Variants in SHROOM3 observed in about 807,000 individuals in gnomAD.
The protein encoded by SHROOM3 is shroom family member 3.
SHROOM3 carries 47 observed loss-of-function variants against 138.6 expected under a neutral mutation model. The ratio of observed to expected loss-of-function variants is 0.34; its 90% CI spans 0.27 to 0.43. The LOEUF is 0.43. Among genes scored for constraint, SHROOM3 ranks in the 20% least tolerant of loss-of-function variants. SHROOM3 has a pLI of 1.00. For missense variants in SHROOM3, 2,491 were observed against 2,596.5 expected (o/e 0.96, Z 0.88); for synonymous variants, 1,062 against 1,063.3 (o/e 1.00, Z 0.02).
At chr4:76,450,293 G>T (rs942663613) in intron 1 of SHROOM3, among the ~76,000 whole-genome samples, 3 of 152,194 alleles carry the variant, frequency 2.0e-5, no homozygotes, top group Non-Finnish European at 1.5e-5. Context: ...AAGTGGGAAT[G>T]TAAAATGGTG....
At position 76,765,074 on chromosome 4, in the gene SHROOM3, C is replaced by G. The variant is rs76564035; in HGVS notation, c.5349+5379C>G. 2.1e-3 allele frequency among the ~76,000 whole-genome samples: 320 copies of G among 150,438 alleles called. 3 individuals are homozygous for G. Among genetic ancestry groups the G allele is most frequent in the African/African-American group, 7.4e-3 (303 of 41,140 alleles). Reference sequence around the variant, plus strand: ...TGGATAATTTCTGTTGGTCTGTTTTCAAGTTCACTGACTTTCCTATCTCCA... The same window carrying G: ...TGGATAATTTCTGTTGGTCTGTTTTGAAGTTCACTGACTTTCCTATCTCCA... On this transcript the variant is annotated intron_variant, in intron 9 of 10. Transcript: ENST00000296043.
At chr4:76,528,544 C>CTTTTTTTTTTTTTTTTTTTTTTT (rs146962643) in intron 1 of SHROOM3, among the ~76,000 whole-genome samples, 4 of 103,454 alleles carry the variant, frequency 3.9e-5, no homozygotes, top group South Asian at 3.3e-4. Flanking sequence ...ATCTTTCTTT[C>CTTTTTTTTTTTTTTTTTTTTTTT]TTTCTTTTTT....
chr4:76,755,510 AGAG>A (rs1054004846), intron 7 of SHROOM3, among the ~76,000 whole-genome samples: 2 of 152,174 alleles, frequency 1.3e-5, no homozygotes, highest in African/African-American at 2.4e-5. Flanking sequence ...ATAAGACAAA[AGAG>A]GAGGGCATAT....
chr4:76,754,447 C>T lies in SHROOM3; in HGVS notation c.3964C>T (p.His1322Tyr), dbSNP rs777360241. 8 of 1,614,032 alleles carry T rather than the reference C, an allele frequency of 5.0e-6. No homozygotes were observed. In the South Asian group the frequency reaches 8.8e-5, roughly 18 times the overall value. The change falls in exon 7 of 11, where the codon CAT becomes TAT. Residue 1322 changes from histidine (H) to tyrosine (Y), a missense_variant. Around this residue, in one of 4 missense-constraint regions of SHROOM3, gnomAD observed 1,733 missense variants for 1,661.6 expected, o/e 1.04. Coordinates refer to ENST00000296043, the MANE Select transcript of SHROOM3 (RefSeq NM_020859.4). Reference sequence around the variant, plus strand: ...TAGTGAATGTCCTGGAACCCTGGACCATCAGAGGCAAGCCAGTAGGACACC... The same window carrying T: ...TAGTGAATGTCCTGGAACCCTGGACTATCAGAGGCAAGCCAGTAGGACACC... ...VPSECPGTLD[H>Y]QRQASRTPCP... is the part of the protein sequence containing the mutation.
In SHROOM3 at chr4:76,530,593, A is replaced by T. The variant is rs529098391; in HGVS notation, c.169-25016A>T. 2.6e-5 allele frequency among the ~76,000 whole-genome samples: 4 copies of T among 152,268 alleles called. No homozygotes were observed. The South Asian group carries it at 8.3e-4, about 32-fold the overall frequency. ...ATTGCCTTTCCTCTTTTCTGAGCAG[A>T]TATTGGATCTAAGGTTCTAGGTGAA... On this transcript the variant is annotated intron_variant, in intron 1 of 10. Transcript: ENST00000296043.
chr4:76,640,456 T>C lies in SHROOM3; in HGVS notation c.324-69700T>C, dbSNP rs144347615. ...CCACAGCCAGGTGCCAAATCCATTC[T>C]AAATATGGGAGCCTGTGCTTGAGAA... On this transcript the variant is annotated intron_variant, in intron 2 of 10. Coordinates refer to ENST00000296043, the MANE Select transcript of SHROOM3 (RefSeq NM_020859.4). Among the ~76,000 whole-genome samples the C allele has an allele frequency of 2.2e-3, 329 of 152,290 alleles. 2 individuals are homozygous for C. The highest frequency in any genetic ancestry group is 7.4e-3 in the African/African-American group (309 of 41,572).
chr4:76,652,286 A>T (rs369473587), intron 2 of SHROOM3, among the ~76,000 whole-genome samples: 1 of 152,290 alleles, frequency 6.6e-6, no homozygotes. Flanking sequence ...AAGGCAACTG[A>T]GAGAGAAGCT....
intron 1 of SHROOM3, among the ~76,000 whole-genome samples, chr4:76,443,716 G>A (rs748777647): frequency 1.3e-5 from 2 of 152,172 alleles, no homozygotes. Flanking sequence ...AAGGCTACAT[G>A]GGTACGCTGT....
chr4:76,452,675 G>A (rs1037663653), intron 1 of SHROOM3, among the ~76,000 whole-genome samples: 4 of 152,130 alleles, frequency 2.6e-5, no homozygotes, highest in African/African-American at 9.7e-5. Flanking sequence ...TTTAGCTATT[G>A]TGAATAGTGA....
intron 1 of SHROOM3, among the ~76,000 whole-genome samples, chr4:76,466,493 A>G (rs754946549): frequency 1.6e-4 from 24 of 152,222 alleles, no homozygotes; most frequent in Non-Finnish European, 2.8e-4. Flanking sequence ...CCTTGTAGAT[A>G]GACTTCCTCA....
chr4:76,775,762 A>G (rs1021559305), intron 10 of SHROOM3, among the ~76,000 whole-genome samples: 1 of 151,870 alleles, frequency 6.6e-6, no homozygotes, highest in Non-Finnish European at 1.5e-5. Context: ...CACACACCAT[A>G]TATATGTGTA....
chr4:76,628,360 A>G (rs1311754406), intron 2 of SHROOM3, among the ~76,000 whole-genome samples: 1 of 152,236 alleles, frequency 6.6e-6, no homozygotes, highest in Non-Finnish European at 1.5e-5. Flanking sequence ...AGCAAGGTGT[A>G]TCATTATTTG....
chr4:76,454,772 C>A (rs1171957188), intron 1 of SHROOM3, among the ~76,000 whole-genome samples: 1 of 152,150 alleles, frequency 6.6e-6, no homozygotes, highest in African/African-American at 2.4e-5. Context: ...GATATCTTAA[C>A]AATATTTTCT....
At chr4:76,483,007 G>T (rs749346331) in intron 1 of SHROOM3, among the ~76,000 whole-genome samples, 1 of 152,208 alleles carries the variant, frequency 6.6e-6, no homozygotes, top group East Asian at 1.9e-4. Context: ...ACTCAAGATG[G>T]ATTAAAGACT....
intron 2 of SHROOM3, among the ~76,000 whole-genome samples, chr4:76,703,979 T>G (rs566410334): frequency 6.6e-6 from 1 of 152,326 alleles, no homozygotes; most frequent in Non-Finnish European, 1.5e-5. Flanking sequence ...CTCCCAACTT[T>G]TCTTGTCTGT....
intron 6 of SHROOM3, among the ~76,000 whole-genome samples, chr4:76,753,471 T>G (rs1364839587): frequency 1.3e-5 from 2 of 152,176 alleles, no homozygotes; most frequent in Non-Finnish European, 2.9e-5. Context: ...ACATAGCCAG[T>G]CAGGGAACTG....
chr4:76,755,597 C>T (rs188053988), intron 7 of SHROOM3, among the ~76,000 whole-genome samples: 2 of 152,282 alleles, frequency 1.3e-5, no homozygotes, highest in East Asian at 1.9e-4. Flanking sequence ...GTAAGTGGGT[C>T]TCTTGATACT....
intron 2 of SHROOM3, among the ~76,000 whole-genome samples, chr4:76,601,295 G>A (rs746764105): frequency 3.7e-4 from 57 of 152,172 alleles, no homozygotes; most frequent in Middle Eastern, 3.4e-3. Context: ...GGCATCTAGT[G>A]GGTAGAGGTC....
chr4:76,564,623 C>T (rs1023323589), intron 2 of SHROOM3, among the ~76,000 whole-genome samples: 16 of 152,140 alleles, frequency 1.1e-4, no homozygotes, highest in African/African-American at 3.9e-4. Context: ...AAGGGGACAT[C>T]TTTTTCCCCC....
Sources: gnomAD v4.1 joint callset for allele counts (sites outside exome capture counted in the v4.1 genomes callset) on GRCh38, gnomAD v4.1.1 for gene constraint, gnomAD v4.1.1 regional missense constraint, MANE v1.5 for transcripts, NCBI Gene and HGNC (gene_info 2026-07-23, HGNC 2026-07-21) for gene names.